Variants in RSRC1 observed in about 807,000 individuals in gnomAD.
The protein encoded by RSRC1 is arginine and serine rich coiled-coil 1.
In RSRC1, 39 loss-of-function variants were observed where a neutral mutation model predicts 49.1. The observed-to-expected ratio is 0.79, with a 90% confidence interval of 0.61 to 1.04. RSRC1 has a LOEUF of 1.04. RSRC1 is among the 50% of genes least tolerant of loss of function. The probability of loss-of-function intolerance (pLI) is 0.00; values close to 1 mark genes in which losing one functional copy is unlikely to be tolerated. For synonymous variants in RSRC1, 143 were observed against 130.8 expected (o/e 1.09, Z -0.63); for missense variants, 388 against 402.4 (o/e 0.96, Z 0.31).
intron 6 of RSRC1, among the ~76,000 whole-genome samples, chr3:158,375,199 T>A (rs1013845481): frequency 8.5e-6 from 1 of 117,178 alleles, no homozygotes; most frequent in African/African-American, 3.2e-5. Flanking sequence ...ATTATTATTA[T>A]TAACTTATTT....
chr3:158,291,013 G>C (rs1331017707), intron 4 of RSRC1, among the ~76,000 whole-genome samples: 1 of 152,098 alleles, frequency 6.6e-6, no homozygotes, highest in East Asian at 1.9e-4. Flanking sequence ...GGACAACATA[G>C]TGAGGCCCTA....
intron 5 of RSRC1, among the ~76,000 whole-genome samples, chr3:158,345,911 G>GA (rs1331460684): frequency 6.6e-6 from 1 of 150,460 alleles, no homozygotes; most frequent in Admixed American, 6.6e-5. Context: ...CAGTTAAGTG[G>GA]AAAAAAGATA....
At position 158,545,327 on chromosome 3, in the gene RSRC1, G is replaced by C. The variant is rs1272658149; in HGVS notation, c.*1052G>C. On this transcript the variant is annotated 3_prime_UTR_variant, in exon 10 of 10. Coordinates refer to ENST00000611884, the MANE Select transcript of RSRC1 (RefSeq NM_001271838.2). Reference sequence around the variant, plus strand: ...CGCCATTTTCTTGCCTCAGCCTCCCGAGTAGCTGGGACTACAGGCACCCGC... The same window carrying C: ...CGCCATTTTCTTGCCTCAGCCTCCCCAGTAGCTGGGACTACAGGCACCCGC... 6.8e-6 allele frequency: 1 copy of C among 147,058 alleles called. No individual in the cohort carries two copies. The highest frequency in any genetic ancestry group is 1.5e-5 in the Non-Finnish European group (1 of 67,366). The allele number at this position is 147,058 out of a possible 1,614,324, so 9.1% of individuals were successfully genotyped here. A position where few individuals can be genotyped will look rare whatever the true frequency, so the allele number is the denominator to read the frequency against.
At chr3:158,492,215 A>G (rs563654565) in intron 7 of RSRC1, among the ~76,000 whole-genome samples, 5 of 152,204 alleles carry the variant, frequency 3.3e-5, no homozygotes, top group African/African-American at 4.8e-5. Context: ...ATCCACCCCT[A>G]TGATTCAGTT....
chr3:158,277,481 C>T (rs1293109652), intron 4 of RSRC1, among the ~76,000 whole-genome samples: 1 of 151,908 alleles, frequency 6.6e-6, no homozygotes, highest in Non-Finnish European at 1.5e-5. Flanking sequence ...AGTAGAAGCT[C>T]CTCAATTGTG....
At chr3:158,361,987 A>C (rs1419445187) in intron 6 of RSRC1, among the ~76,000 whole-genome samples, 1 of 152,150 alleles carries the variant, frequency 6.6e-6, no homozygotes, top group Non-Finnish European at 1.5e-5. Context: ...ATTAATATTT[A>C]GTTGTTTCAT....
intron 4 of RSRC1, among the ~76,000 whole-genome samples, chr3:158,291,933 A>G (rs1726959918): frequency 6.6e-6 from 1 of 152,240 alleles, no homozygotes; most frequent in Non-Finnish European, 1.5e-5. Context: ...TTAGACGTAG[A>G]GTATATTTCT....
intron 5 of RSRC1, among the ~76,000 whole-genome samples, chr3:158,317,214 A>G (rs1559989984): frequency 6.6e-6 from 1 of 152,026 alleles, no homozygotes; most frequent in Non-Finnish European, 1.5e-5. Flanking sequence ...TTATGTTAGT[A>G]CTTAGGTATT....
At chr3:158,509,511 G>T (rs1056317487) in intron 7 of RSRC1, among the ~76,000 whole-genome samples, 2 of 151,988 alleles carry the variant, frequency 1.3e-5, no homozygotes, top group Non-Finnish European at 2.9e-5. Context: ...TTTACTTTTA[G>T]AAATGTTATA....
chr3:158,465,115 G>A (rs991919539), intron 7 of RSRC1, among the ~76,000 whole-genome samples: 6 of 152,182 alleles, frequency 3.9e-5, no homozygotes, highest in Admixed American at 2.6e-4. Flanking sequence ...CTGGGACACC[G>A]AATAGGTGAG....
At chr3:158,225,786 T>C (rs1337057777) in intron 4 of RSRC1, 1 of 398,746 alleles carries the variant, frequency 2.5e-6, no homozygotes, top group African/African-American at 2.1e-5. Flanking sequence ...AGTAGAACAT[T>C]AATTACCTTT....
At chr3:158,137,230 C>G (rs1273499309) in intron 3 of RSRC1, among the ~76,000 whole-genome samples, 1 of 152,088 alleles carries the variant, frequency 6.6e-6, no homozygotes, top group Non-Finnish European at 1.5e-5. Flanking sequence ...ACCTCACTTT[C>G]TATTTCTCAG....
chr3:158,252,227 TC>T (rs1724255832), intron 4 of RSRC1, among the ~76,000 whole-genome samples: 1 of 151,908 alleles, frequency 6.6e-6, no homozygotes, highest in Admixed American at 6.6e-5. Context: ...AGTGGCATGA[TC>T]TCGGCTCACC....
intron 7 of RSRC1, among the ~76,000 whole-genome samples, chr3:158,467,158 C>T (rs752809177): frequency 2.6e-5 from 4 of 152,166 alleles, no homozygotes; most frequent in Non-Finnish European, 5.9e-5. Flanking sequence ...TCTTTCATCC[C>T]TTTAGTGACT....
intron 6 of RSRC1, among the ~76,000 whole-genome samples, chr3:158,366,447 A>G (rs1731772511): frequency 6.6e-6 from 1 of 152,200 alleles, no homozygotes. Context: ...GTCAAATATC[A>G]GATGGTTGTA....
chr3:158,265,157 A>T (rs1725099774), intron 4 of RSRC1, among the ~76,000 whole-genome samples: 1 of 152,212 alleles, frequency 6.6e-6, no homozygotes, highest in African/African-American at 2.4e-5. Context: ...AGGCCTTCAT[A>T]CTTTGTTTCT....
chr3:158,124,044 C>A, intron 3 of RSRC1, 53 bp downstream of exon 3: 3 of 1,237,342 alleles, frequency 2.4e-6, no homozygotes, highest in South Asian at 1.7e-5. Context: ...CCAAATTCAG[C>A]GATGTAAAGC....
Position 158,324,334 on chromosome 3 carries a change from T to A in RSRC1, c.531+26259T>A, listed in dbSNP as rs543046962. Among the ~76,000 whole-genome samples, 28 of 152,242 alleles carry A rather than the reference T, an allele frequency of 1.8e-4. No individual in the cohort carries two copies. In the East Asian group the frequency reaches 3.1e-3, roughly 17 times the overall value. On this transcript the variant is annotated intron_variant, in intron 5 of 9. Coordinates refer to ENST00000611884, the MANE Select transcript of RSRC1 (RefSeq NM_001271838.2). Reference sequence around the variant, plus strand: ...TGCCATGTTGGTGTGCTGCACCCATTAACTCGTCATTTACATTAGCTATAT... The same window carrying A: ...TGCCATGTTGGTGTGCTGCACCCATAAACTCGTCATTTACATTAGCTATAT...
At chr3:158,193,116 T>G (rs1720341042) in intron 3 of RSRC1, among the ~76,000 whole-genome samples, 1 of 152,098 alleles carries the variant, frequency 6.6e-6, no homozygotes, top group South Asian at 2.1e-4. Context: ...GTAATATTAT[T>G]TCATTCTCAT....
Sources: gnomAD v4.1 joint callset for allele counts (sites outside exome capture counted in the v4.1 genomes callset) on GRCh38, gnomAD v4.1.1 for gene constraint, MANE v1.5 for transcripts, NCBI Gene and HGNC (gene_info 2026-07-23, HGNC 2026-07-21) for gene names.